Variants in HS2ST1 observed in about 807,000 individuals in gnomAD.
The protein encoded by HS2ST1 is 2-O-sulfotransferase.
Under a neutral mutation model 42.9 loss-of-function variants are expected in HS2ST1, and 18 were observed. The observed-to-expected ratio is 0.42, with a 90% CI of 0.29 to 0.62. The LOEUF (loss-of-function observed/expected upper bound fraction) is 0.62, where lower values mean the gene tolerates loss of function less well. Ranked by LOEUF, HS2ST1 falls within the 20% of genes least tolerant of loss-of-function variation. The probability of loss-of-function intolerance (pLI) is 0.21; values close to 1 mark genes in which losing one functional copy is unlikely to be tolerated. For synonymous variants in HS2ST1, 146 were observed against 152.9 expected (o/e 0.95, Z 0.33); for missense variants, 334 against 433.8 (o/e 0.77, Z 2.04).
At chr1:87,036,910 G>T in intron 1 of HS2ST1, among the ~76,000 whole-genome samples, 1 of 152,118 alleles carries the variant, frequency 6.6e-6, no homozygotes, top group Admixed American at 6.6e-5. Context: ...TAACTGAAAG[G>T]TTTTGATGCT....
chr1:86,951,406 A>G (rs1489992031), intron 1 of HS2ST1, among the ~76,000 whole-genome samples: 1 of 152,276 alleles, frequency 6.6e-6, no homozygotes, highest in Non-Finnish European at 1.5e-5. Flanking sequence ...CAATAAAGCA[A>G]GTGACACGAA....
intron 1 of HS2ST1, among the ~76,000 whole-genome samples, chr1:87,056,966 C>T (rs972965831): frequency 1.3e-5 from 2 of 152,118 alleles, no homozygotes; most frequent in South Asian, 2.1e-4. Context: ...TAAAGTACTC[C>T]TTTTCCAACT....
chr1:87,061,380 G>A (rs531586075), intron 1 of HS2ST1, among the ~76,000 whole-genome samples: 1 of 151,976 alleles, frequency 6.6e-6, no homozygotes, highest in Non-Finnish European at 1.5e-5. Context: ...CCCCATCACC[G>A]TTAATCGGGT....
intron 1 of HS2ST1, among the ~76,000 whole-genome samples, chr1:87,037,984 G>T (rs529833706): frequency 3.9e-5 from 6 of 152,022 alleles, no homozygotes; most frequent in African/African-American, 1.4e-4. Flanking sequence ...TAGGTGCCTA[G>T]AAATAAAATT....
At chr1:87,057,695 CA>C (rs1225462108) in intron 1 of HS2ST1, among the ~76,000 whole-genome samples, 3 of 150,882 alleles carry the variant, frequency 2.0e-5, no homozygotes, top group African/African-American at 7.3e-5. Context: ...ACTAAAAATA[CA>C]AAAAATTAGC....
intron 2 of HS2ST1, among the ~76,000 whole-genome samples, chr1:87,077,218 G>A (rs889620669): frequency 7.2e-5 from 11 of 152,136 alleles, no homozygotes; most frequent in African/African-American, 2.7e-4. Context: ...TTCCCAGGAT[G>A]GTAGGGTACT....
intron 1 of HS2ST1, among the ~76,000 whole-genome samples, chr1:86,982,911 G>T (rs1294194324): frequency 1.3e-5 from 2 of 152,148 alleles, no homozygotes; most frequent in East Asian, 3.9e-4. Context: ...GATCTCTAGG[G>T]CAGAGGAAAA....
chr1:86,978,668 A>G (rs1648492660), intron 1 of HS2ST1, among the ~76,000 whole-genome samples: 1 of 152,184 alleles, frequency 6.6e-6, no homozygotes, highest in Non-Finnish European at 1.5e-5. Context: ...TTGAGAATAT[A>G]TAGTTCATAA....
intron 1 of HS2ST1, among the ~76,000 whole-genome samples, chr1:86,960,964 C>T (rs904689906): frequency 1.3e-5 from 2 of 151,522 alleles, no homozygotes; most frequent in Admixed American, 6.5e-5. Context: ...AAAAATCTGC[C>T]GATACATGTT....
chr1:86,956,527 G>A (rs1250846011), intron 1 of HS2ST1: 1 of 152,196 alleles, frequency 6.6e-6, no homozygotes, highest in African/African-American at 2.4e-5. Context: ...ATGAAAATCT[G>A]ATTTTCAGCA....
intron 1 of HS2ST1, among the ~76,000 whole-genome samples, chr1:87,004,722 C>T (rs1199593243): frequency 6.6e-6 from 1 of 152,098 alleles, no homozygotes; most frequent in Non-Finnish European, 1.5e-5. Flanking sequence ...ATTCACAGTG[C>T]ACTCATGGTG....
At position 87,088,065 on chromosome 1, in the gene HS2ST1, C is replaced by T. The variant is rs190323617; in HGVS notation, c.449+3786C>T. 3.4e-4 allele frequency among the ~76,000 whole-genome samples: 51 copies of T among 152,166 alleles called. 1 individual carries two copies. The East Asian group carries it at 5.4e-3, about 16-fold the overall frequency. On this transcript the variant is annotated intron_variant, in intron 3 of 6. Coordinates refer to ENST00000370550, the MANE Select transcript of HS2ST1 (RefSeq NM_012262.4). The stretch of plus-strand genomic sequence containing the variant: ...ATGGAGCACTTAGTTCTGTGCCTCA[C>T]GCAGAGCAGTATGGTGATTCTTTTT...
chr1:87,036,740 A>G (rs188910125), intron 1 of HS2ST1, among the ~76,000 whole-genome samples: 1 of 152,156 alleles, frequency 6.6e-6, no homozygotes, highest in Non-Finnish European at 1.5e-5. Context: ...CAGGATGACA[A>G]TGTCAACATT....
At chr1:87,051,661 CGATT>C (rs1411552883) in intron 1 of HS2ST1, among the ~76,000 whole-genome samples, 1 of 152,034 alleles carries the variant, frequency 6.6e-6, no homozygotes, top group African/African-American at 2.4e-5. Flanking sequence ...TAGTTTTTGT[CGATT>C]GATAACAACT....
At chr1:86,985,009 G>C (rs182716275) in intron 1 of HS2ST1, among the ~76,000 whole-genome samples, 2 of 151,688 alleles carry the variant, frequency 1.3e-5, no homozygotes, top group Non-Finnish European at 2.9e-5. Flanking sequence ...GCATTTATAG[G>C]AAATTAAAAA....
At chr1:86,920,686 T>G (rs1660273457) in intron 1 of HS2ST1, among the ~76,000 whole-genome samples, 1 of 152,194 alleles carries the variant, frequency 6.6e-6, no homozygotes, top group Non-Finnish European at 1.5e-5. Context: ...AAGACCATTT[T>G]TGAAGGATGT....
At chr1:86,991,678 C>T (rs1329432183) in intron 1 of HS2ST1, among the ~76,000 whole-genome samples, 1 of 152,124 alleles carries the variant, frequency 6.6e-6, no homozygotes, top group Non-Finnish European at 1.5e-5. Flanking sequence ...TATGCCACTT[C>T]CTTTGGTAAG....
intron 1 of HS2ST1, among the ~76,000 whole-genome samples, chr1:87,014,206 A>G (rs1649684540): frequency 6.6e-6 from 1 of 152,238 alleles, no homozygotes; most frequent in African/African-American, 2.4e-5. Context: ...CTGGTCATTT[A>G]TAAAGGAAAG....
At chr1:87,047,052 T>A (rs1341017658) in intron 1 of HS2ST1, among the ~76,000 whole-genome samples, 1 of 152,098 alleles carries the variant, frequency 6.6e-6, no homozygotes, top group Non-Finnish European at 1.5e-5. Flanking sequence ...TTTTCCATAA[T>A]GGTTGTCTCA....
Sources: gnomAD v4.1 joint callset for allele counts (sites outside exome capture counted in the v4.1 genomes callset) on GRCh38, gnomAD v4.1.1 for gene constraint, MANE v1.5 for transcripts, NCBI Gene and HGNC (gene_info 2026-07-23, HGNC 2026-07-21) for gene names.